Variants in DENND1A observed in about 807,000 individuals in gnomAD.
DENND1A encodes the protein DENN domain-containing protein 1A.
In DENND1A, 51 loss-of-function variants were observed where a neutral mutation model predicts 113.7. The ratio of observed to expected loss-of-function variants is 0.45; its 90% CI spans 0.36 to 0.57. The LOEUF is 0.57. DENND1A is among the 20% of genes least tolerant of loss of function. DENND1A has a pLI of 0.00. For synonymous variants in DENND1A, 565 were observed against 570.8 expected (o/e 0.99, Z 0.14); for missense variants, 1,258 against 1,395.9 (o/e 0.90, Z 1.57).
chr9:123,600,099 C>T (rs759828179), intron 11 of DENND1A, among the ~76,000 whole-genome samples: 10 of 152,188 alleles, frequency 6.6e-5, no homozygotes, highest in Non-Finnish European at 1.3e-4. Context: ...TCAACAGTCT[C>T]ACGTGGCCGG....
chr9:123,638,000 A>G lies in DENND1A; in HGVS notation c.619-7524T>C, dbSNP rs2061809057. On this transcript the variant is annotated intron_variant, in intron 9 of 23. Transcript: ENST00000394215. ...CAAAAAAACCACCCAACAAGGAGTG[A>G]AGGAAAGCGTCTTCCCCCAACAGCA... Among the ~76,000 whole-genome samples, 2 of 151,968 alleles carry G rather than the reference A, an allele frequency of 1.3e-5. 1 individual carries two copies. Among genetic ancestry groups the G allele is most frequent in the South Asian group, 4.2e-4 (2 of 4,798 alleles).
intron 13 of DENND1A, among the ~76,000 whole-genome samples, chr9:123,460,174 C>A (rs988273313): frequency 1.3e-5 from 2 of 152,182 alleles, no homozygotes; most frequent in Non-Finnish European, 2.9e-5. Context: ...GAGAAAAAAA[C>A]CCCACACTAG....
chr9:123,415,400 C>G (rs1191777133), intron 19 of DENND1A, among the ~76,000 whole-genome samples: 1 of 152,142 alleles, frequency 6.6e-6, no homozygotes, highest in Non-Finnish European at 1.5e-5. Context: ...GGTGAACTCC[C>G]AGGGGGTGCG....
chr9:123,676,769 A>G lies in DENND1A; in HGVS notation c.323T>C (p.Val108Ala). The change falls in exon 6 of 24, where the codon GTA becomes GCA. Residue 108 changes from valine to alanine, a missense_variant. Val to Ala is a moderately conservative substitution (Grantham distance 64, BLOSUM62 0). Coordinates refer to ENST00000394215, the MANE Select transcript of DENND1A (RefSeq NM_001352964.2). ...CAGGATGTTAAGCAGCTTATAAAAT[A>G]CCTCGAACCAGGGGAGATAGCTGGA... ...CILSYLPWFE[V>A]FYKLLNILAD... 1 of 1,614,102 alleles carries G rather than the reference A, an allele frequency of 6.2e-7. No individual in the cohort carries two copies.
intron 13 of DENND1A, among the ~76,000 whole-genome samples, chr9:123,490,878 C>G (rs1394563254): frequency 6.6e-6 from 1 of 152,206 alleles, no homozygotes; most frequent in East Asian, 1.9e-4. Context: ...TGCTCTGCAG[C>G]CACATGTAGC....
At position 123,381,434 on chromosome 9, in the gene DENND1A, A is replaced by C. The variant is rs757940275; in HGVS notation, c.3211T>G (p.Ter1071GlyextTer4). The C allele has an allele frequency of 6.1e-5, 98 of 1,612,468 alleles. No individual in the cohort carries two copies. Among genetic ancestry groups the C allele is most frequent in the Non-Finnish European group, 8.2e-5 (97 of 1,179,834 alleles). ...QLRKQWETFE[*>G] ...ATCCCCCACCCTCAGGGCCCGGCTCACTCGAAGGTCTCCCACTGCTTCCTG... is the reference window on the plus strand; with the variant it reads ...ATCCCCCACCCTCAGGGCCCGGCTCCCTCGAAGGTCTCCCACTGCTTCCTG... The change falls in exon 24 of 24, where the codon TGA becomes GGA. Residue 1071 changes from the stop codon to glycine, a stop_lost. Coordinates refer to ENST00000394215, the MANE Select transcript of DENND1A (RefSeq NM_001352964.2). The surrounding 1 kb of genome is among the most constrained non-coding windows in gnomAD (Gnocchi z 4.7).
chr9:123,474,072 G>A (rs894949345), intron 13 of DENND1A, among the ~76,000 whole-genome samples: 6 of 126,566 alleles, frequency 4.7e-5, no homozygotes, highest in African/African-American at 1.8e-4. Flanking sequence ...TTGGCTGACC[G>A]CAACCTCTGC....
intron 13 of DENND1A, among the ~76,000 whole-genome samples, chr9:123,486,353 C>T (rs528901775): frequency 7.2e-5 from 11 of 152,216 alleles, no homozygotes; most frequent in African/African-American, 2.2e-4. Flanking sequence ...TAGATGCCAG[C>T]GCTGTGGGGC....
At chr9:123,789,062 GTT>G (rs542938026) in intron 3 of DENND1A, among the ~76,000 whole-genome samples, 5 of 139,442 alleles carry the variant, frequency 3.6e-5, no homozygotes, top group Non-Finnish European at 6.3e-5. Flanking sequence ...CTTTTGCCTT[GTT>G]TTTTTTTTTT....
chr9:123,851,618 T>C (rs1446697733), intron 2 of DENND1A, among the ~76,000 whole-genome samples: 1 of 152,202 alleles, frequency 6.6e-6, no homozygotes, highest in East Asian at 1.9e-4. Flanking sequence ...CTTACAACTG[T>C]TGTTCCTCAG....
At chr9:123,634,137 A>G (rs2138758733) in intron 9 of DENND1A, among the ~76,000 whole-genome samples, 1 of 152,348 alleles carries the variant, frequency 6.6e-6, no homozygotes, top group Middle Eastern at 3.4e-3. Flanking sequence ...TCATCTTCAG[A>G]TAATGTTCTT....
chr9:123,575,946 CAATGTATGTTT>C (rs2058612614), intron 12 of DENND1A, among the ~76,000 whole-genome samples: 1 of 152,170 alleles, frequency 6.6e-6, no homozygotes, highest in Non-Finnish European at 1.5e-5. Context: ...AGTGTCTAGA[CAATGTATGTTT>C]AATGTAAAAA....
intron 18 of DENND1A, among the ~76,000 whole-genome samples, chr9:123,442,304 T>G (rs923223490): frequency 2.0e-5 from 3 of 152,096 alleles, no homozygotes; most frequent in East Asian, 3.9e-4. Context: ...TGGCCCACGT[T>G]TGATCAACCA....
intron 19 of DENND1A, among the ~76,000 whole-genome samples, chr9:123,418,925 T>C (rs541674252): frequency 6.6e-6 from 1 of 152,220 alleles, no homozygotes. Context: ...GACAGCTGTT[T>C]AGGGATGGAC....
intron 8 of DENND1A, among the ~76,000 whole-genome samples, chr9:123,662,101 G>T (rs2063270010): frequency 6.6e-6 from 1 of 152,200 alleles, no homozygotes; most frequent in African/African-American, 2.4e-5. Context: ...GCAATTTCAG[G>T]ATACCAGGAG....
intron 19 of DENND1A, among the ~76,000 whole-genome samples, chr9:123,421,687 G>A (rs1229156610): frequency 6.6e-6 from 1 of 152,210 alleles, no homozygotes. Context: ...CTAACAGGAT[G>A]CAACTAGGAA....
chr9:123,453,915 GTCCT>G (rs1292952122), intron 16 of DENND1A, among the ~76,000 whole-genome samples: 6 of 152,146 alleles, frequency 3.9e-5, no homozygotes, highest in Non-Finnish European at 7.3e-5. Context: ...CAATCAACAA[GTCCT>G]TATTACTCCT....
chr9:123,807,088 A>G (rs1229176943), intron 2 of DENND1A, among the ~76,000 whole-genome samples: 1 of 152,238 alleles, frequency 6.6e-6, no homozygotes, highest in Non-Finnish European at 1.5e-5. Context: ...AATTAACTCA[A>G]AATACAAAGA....
In DENND1A at chr9:123,833,122, CAAAAAAAAAAA is replaced by C. The variant is rs1163844269; in HGVS notation, c.89-40503_89-40493del. Among the ~76,000 whole-genome samples, 7 of 27,568 alleles carry C rather than the reference CAAAAAAAAAAA, an allele frequency of 2.5e-4. No homozygotes were observed. In the East Asian group the frequency reaches 9.2e-3, roughly 36 times the overall value. The allele number at this position is 27,568 out of a possible 152,430, so 18.1% of individuals were successfully genotyped here. A position where few individuals can be genotyped will look rare whatever the true frequency, so the allele number is the denominator to read the frequency against. ...TCTGAACGATGGTGAGACCTCATCT[CAAAAAAAAAAA>C]AAAAAAAAAAAAAAAGGAAACGAAA... On this transcript the variant is annotated intron_variant, in intron 2 of 23. Coordinates refer to ENST00000394215, the MANE Select transcript of DENND1A (RefSeq NM_001352964.2).
Sources: allele counts gnomAD v4.1 joint callset (sites outside exome capture counted in the v4.1 genomes callset), GRCh38; gene constraint gnomAD v4.1.1; non-coding constraint Gnocchi (gnomAD v3.1); transcripts MANE v1.5; gene names NCBI Gene and HGNC (gene_info 2026-07-23, HGNC 2026-07-21).